Variants in CATSPERE observed in about 807,000 individuals in gnomAD.
The protein encoded by CATSPERE is cation channel sperm-associated auxiliary subunit epsilon.
In CATSPERE, 93 loss-of-function variants were observed where a neutral mutation model predicts 114.1. That is an observed-to-expected ratio of 0.81 (90% confidence interval 0.69 to 0.97). CATSPERE has a LOEUF of 0.97. CATSPERE is among the 50% of genes least tolerant of loss of function. The pLI is 0.00. For synonymous variants in CATSPERE, 341 were observed against 384.1 expected (o/e 0.89, Z 1.31); for missense variants, 1,058 against 1,131.6 (o/e 0.93, Z 0.93).
intron 2 of CATSPERE, among the ~76,000 whole-genome samples, chr1:244,471,298 CTGTT>C (rs1234921654): frequency 6.6e-6 from 1 of 152,020 alleles, no homozygotes; most frequent in Non-Finnish European, 1.5e-5. Context: ...ATGTCATTTT[CTGTT>C]TGTTTATGTA....
Position 244,568,271 on chromosome 1 carries a change from G to A in CATSPERE, c.1508-4059G>A, listed in dbSNP as rs1467004732. ...CAGCCAGAGCTCTTCTGTATGAGGTGTCTGTCAACCCCTGCTAGGAGGTGT... is the reference window on the plus strand; with the variant it reads ...CAGCCAGAGCTCTTCTGTATGAGGTATCTGTCAACCCCTGCTAGGAGGTGT... On this transcript the variant is annotated intron_variant, in intron 10 of 21. Coordinates refer to ENST00000366534, the MANE Select transcript of CATSPERE (RefSeq NM_001130957.2). This position sits in a 1 kb window ranked among gnomAD's most constrained non-coding sequence, Gnocchi z 4.4. Among the ~76,000 whole-genome samples, 2 of 152,172 alleles carry A rather than the reference G, an allele frequency of 1.3e-5. No homozygotes were observed. Among genetic ancestry groups the A allele is most frequent in the Non-Finnish European group, 2.9e-5 (2 of 68,030 alleles).
intron 1 of CATSPERE, 35 bp from the exon 2 acceptor site, chr1:244,463,873 G>A (rs1251312451): frequency 6.5e-7 from 1 of 1,527,278 alleles, no homozygotes; most frequent in Non-Finnish European, 9.1e-7. Flanking sequence ...GAATAAATTA[G>A]TTTTAATATT....
rs555348865 is a variant in CATSPERE, at chr1:244,542,634, T to G, written c.537-9688T>G. Among the ~76,000 whole-genome samples, 5 of 152,320 alleles carry G rather than the reference T, an allele frequency of 3.3e-5. No homozygotes were observed. In the South Asian group the frequency reaches 8.3e-4, roughly 25 times the overall value. On this transcript the variant is annotated intron_variant, in intron 8 of 21. Transcript: ENST00000366534. ...TTCACTTAAGATAATGGCATCCAGCTTCCTTTATGTTGCTGTAAAGGACAT... is the reference window on the plus strand; with the variant it reads ...TTCACTTAAGATAATGGCATCCAGCGTCCTTTATGTTGCTGTAAAGGACAT...
intron 19 of CATSPERE, among the ~76,000 whole-genome samples, chr1:244,610,952 C>T (rs568675750): frequency 2.0e-5 from 3 of 151,888 alleles, no homozygotes; most frequent in African/African-American, 7.3e-5. Context: ...GTAGAGACGG[C>T]ATTTCACCAT....
upstream of CATSPERE, chr1:244,451,806 G>T: frequency 6.3e-7 from 1 of 1,589,918 alleles, no homozygotes; most frequent in Non-Finnish European, 8.5e-7. This position sits in a 1 kb window ranked among gnomAD's most constrained non-coding sequence, Gnocchi z 6.6. Flanking sequence ...GGTAGGTCTC[G>T]GCGAACGCCA....
chr1:244,577,570 G>A (rs919997789), intron 11 of CATSPERE, among the ~76,000 whole-genome samples: 16 of 152,168 alleles, frequency 1.1e-4, no homozygotes, highest in Admixed American at 4.6e-4. Flanking sequence ...GTGAGGGACC[G>A]TTCCTCACAG....
At chr1:244,620,477 A>G (rs1558607413) in intron 20 of CATSPERE, among the ~76,000 whole-genome samples, 1 of 152,194 alleles carries the variant, frequency 6.6e-6, no homozygotes, top group Non-Finnish European at 1.5e-5. Flanking sequence ...TACAATACCT[A>G]CAGAGCACAC....
At chr1:244,528,566 G>A (rs866088598) in intron 8 of CATSPERE, among the ~76,000 whole-genome samples, 1 of 151,758 alleles carries the variant, frequency 6.6e-6, no homozygotes, top group Admixed American at 6.6e-5. Flanking sequence ...TTATGATATA[G>A]GCATACAATG....
At chr1:244,477,742 G>A (rs1669591296) in intron 3 of CATSPERE, 128 bp downstream of exon 3, 3 of 935,768 alleles carry the variant, frequency 3.2e-6, no homozygotes, top group Admixed American at 4.8e-5. Context: ...TGAAAAGCAA[G>A]ACAAAATCAG....
chr1:244,476,343 C>G (rs1451831423), intron 2 of CATSPERE, among the ~76,000 whole-genome samples: 1 of 150,916 alleles, frequency 6.6e-6, no homozygotes, highest in Non-Finnish European at 1.5e-5. Flanking sequence ...CATAAACTTA[C>G]TAATTATATT....
Position 244,572,381 on chromosome 1 carries a change from C to T in CATSPERE, c.1559C>T (p.Ser520Phe). The T allele has an allele frequency of 6.5e-7, 1 of 1,535,290 alleles. No individual in the cohort carries two copies. Among genetic ancestry groups the T allele is most frequent in the South Asian group, 1.1e-5 (1 of 87,006 alleles). ...VKMENNVIFY[S>F]KINTRDAVKL... Reference sequence around the variant, plus strand: ...ATGGAAAATAATGTAATATTTTATTCCAAGATTAATACTAGAGATGCAGTA... The same window carrying T: ...ATGGAAAATAATGTAATATTTTATTTCAAGATTAATACTAGAGATGCAGTA... Residue 520 changes from serine to phenylalanine, a missense_variant, in exon 11 of 22, where the codon TCC (serine) becomes TTC (phenylalanine). Ser to Phe is a radical substitution (Grantham distance 155). Transcript: ENST00000366534.
chr1:244,477,645 G>A (rs1669578891), intron 3 of CATSPERE, 31 bp downstream of exon 3: 1 of 1,340,040 alleles, frequency 7.5e-7, no homozygotes, highest in South Asian at 1.2e-5. Context: ...ATCAATGTAT[G>A]TGTATATTTT....
At chr1:244,472,935 A>G (rs1251685901) in intron 2 of CATSPERE, among the ~76,000 whole-genome samples, 1 of 152,134 alleles carries the variant, frequency 6.6e-6, no homozygotes, top group East Asian at 1.9e-4. Flanking sequence ...AGTTTCCTCC[A>G]TGCCTTTTCA....
chr1:244,478,942 C>T (rs939627098), intron 4 of CATSPERE, among the ~76,000 whole-genome samples: 3 of 142,350 alleles, frequency 2.1e-5, no homozygotes, highest in South Asian at 2.3e-4. Context: ...GCAGGAGAAT[C>T]GCTCGAACCC....
At chr1:244,461,001 A>G (rs1015863158), upstream of CATSPERE, among the ~76,000 whole-genome samples, 8 of 152,254 alleles carry the variant, frequency 5.3e-5, no homozygotes, top group Non-Finnish European at 8.8e-5. Flanking sequence ...TGCAGTGTCT[A>G]TACGCAGTCA....
At chr1:244,469,306 G>A (rs1668090223) in intron 2 of CATSPERE, among the ~76,000 whole-genome samples, 1 of 152,046 alleles carries the variant, frequency 6.6e-6, no homozygotes, top group Non-Finnish European at 1.5e-5. Context: ...ATACATATAA[G>A]TACATAAAAG....
intron 10 of CATSPERE, among the ~76,000 whole-genome samples, chr1:244,567,879 C>A (rs1189538324): frequency 6.6e-6 from 1 of 152,030 alleles, no homozygotes; most frequent in Admixed American, 6.6e-5. Context: ...GTTTTGTTCC[C>A]TTGCTCACGA....
intron 12 of CATSPERE, 38 bp downstream of exon 12, chr1:244,581,892 A>G (rs1666247519): frequency 3.3e-6 from 3 of 910,718 alleles, no homozygotes; most frequent in Non-Finnish European, 5.1e-6. Context: ...TCAGTATCAA[A>G]TATGCTACTC....
intron 11 of CATSPERE, among the ~76,000 whole-genome samples, chr1:244,579,319 G>T (rs779931940): frequency 1.2e-4 from 18 of 152,072 alleles, no homozygotes; most frequent in South Asian, 2.1e-4. Flanking sequence ...TGCAAATGGC[G>T]CCATGTGTGG....
Sources: gnomAD v4.1 joint callset for allele counts (sites outside exome capture counted in the v4.1 genomes callset) on GRCh38, gnomAD v4.1.1 for gene constraint, Gnocchi (gnomAD v3.1) non-coding constraint, MANE v1.5 for transcripts, NCBI Gene and HGNC (gene_info 2026-07-23, HGNC 2026-07-21) for gene names.